The following MLIP variants were observed in gnomAD, a reference collection of about 807,000 sequenced individuals.
MLIP encodes muscular LMNA-interacting protein.
MLIP carries 79 observed loss-of-function variants against 84.8 expected under a neutral mutation model. That is an observed-to-expected ratio of 0.93 (90% CI 0.78 to 1.12). The LOEUF is 1.12. MLIP is among the 50% of genes most tolerant of loss of function. The pLI is 0.00. For synonymous variants in MLIP, 504 were observed against 463.0 expected, an observed-to-expected ratio of 1.09 and a Z score of -1.14; for missense variants, 1,257 against 1,160.6, an observed-to-expected ratio of 1.08 and a Z score of -1.21.
At chr6:54,264,901 T>A (rs1187231463) in intron 13 of MLIP, among the ~76,000 whole-genome samples, 2 of 152,064 alleles carry the variant, frequency 1.3e-5, no homozygotes, top group Non-Finnish European at 2.9e-5. Context: ...CTTCTTCTAG[T>A]CTAAAATATA....
intron 13 of MLIP, 110 bp from the exon 14 acceptor site, chr6:54,265,840 A>G (rs1182718957): frequency 1.7e-5 from 17 of 987,198 alleles, no homozygotes; most frequent in Non-Finnish European, 2.5e-5. Flanking sequence ...TGTAGTATAA[A>G]CCATTTTTTT....
chr6:54,029,241 G>A (rs971702747), intron 1 of MLIP: 12 of 152,174 alleles, frequency 7.9e-5, no homozygotes, highest in Non-Finnish European at 5.9e-5. Context: ...CCAACATTCA[G>A]ATGTTGGAAT....
At chr6:54,229,040 T>C (rs1279008520) in intron 11 of MLIP, among the ~76,000 whole-genome samples, 2 of 152,252 alleles carry the variant, frequency 1.3e-5, no homozygotes, top group African/African-American at 4.8e-5. Context: ...TTCATTTCAT[T>C]TTCATTCAAT....
At chr6:54,265,055 C>T (rs1783607308) in intron 13 of MLIP, among the ~76,000 whole-genome samples, 1 of 152,088 alleles carries the variant, frequency 6.6e-6, no homozygotes, top group African/African-American at 2.4e-5. Context: ...AAAGCACAGA[C>T]AGTTGCCTAC....
intron 4 of MLIP, among the ~76,000 whole-genome samples, chr6:54,143,347 A>G (rs765378867): frequency 2.0e-4 from 31 of 151,502 alleles, no homozygotes; most frequent in Non-Finnish European, 3.8e-4. Context: ...CTGGGATTAC[A>G]GTCACCTGCC....
At chr6:54,057,611 G>T (rs1765735667) in intron 1 of MLIP, among the ~76,000 whole-genome samples, 1 of 152,156 alleles carries the variant, frequency 6.6e-6, no homozygotes, top group Admixed American at 6.6e-5. Flanking sequence ...CAACATCCAT[G>T]ACAAATACTA....
intron 10 of MLIP, among the ~76,000 whole-genome samples, chr6:54,190,805 T>TC (rs1293930153): frequency 6.6e-6 from 1 of 151,156 alleles, no homozygotes; most frequent in East Asian, 1.9e-4. Flanking sequence ...TCTTTTTTTT[T>TC]TTTTTTTTGA....
At chr6:54,191,474 G>T (rs888218243) in intron 10 of MLIP, among the ~76,000 whole-genome samples, 2 of 151,978 alleles carry the variant, frequency 1.3e-5, no homozygotes, top group African/African-American at 4.8e-5. Flanking sequence ...GTGTGTGTGT[G>T]GGGGGGCAAT....
chr6:54,160,383 C>T lies in MLIP; in HGVS notation c.2306C>T (p.Ala769Val). 2 of 1,612,118 alleles carry T rather than the reference C, an allele frequency of 1.2e-6. No individual in the cohort carries two copies. Among genetic ancestry groups the T allele is most frequent in the Non-Finnish European group, 1.7e-6 (2 of 1,178,906 alleles). The change falls in exon 6 of 14, where the codon GCC becomes GTC. Residue 769 changes from alanine (A) to valine (V), a missense_variant. Physicochemically the swap from Ala to Val is moderately conservative, Grantham distance 64. Transcript: ENST00000502396. Reference sequence around the variant, plus strand: ...TGTCACTAGGCACTAGATGAACCAGCCAAGACTGAAAGTGTCTCCAAGGAC... The same window carrying T: ...TGTCACTAGGCACTAGATGAACCAGTCAAGACTGAAAGTGTCTCCAAGGAC... ...LLEQKALDEP[A>V]KTESVSKDNT...
At chr6:54,134,676 T>C (rs2150476328) in intron 3 of MLIP, among the ~76,000 whole-genome samples, 1 of 152,188 alleles carries the variant, frequency 6.6e-6, no homozygotes, top group South Asian at 2.1e-4. Context: ...GTTAGTCTTT[T>C]CCTCTGAATG....
At chr6:54,031,692 G>A (rs1764149265) in intron 1 of MLIP, 1 of 152,220 alleles carries the variant, frequency 6.6e-6, no homozygotes, top group African/African-American at 2.4e-5. Context: ...TTTTCAGGAA[G>A]GGACTTGTCC....
intron 2 of MLIP, among the ~76,000 whole-genome samples, chr6:54,122,737 T>A (rs78507149): frequency 6.6e-6 from 1 of 152,292 alleles, no homozygotes; most frequent in East Asian, 1.9e-4. Context: ...AGATCCTTTG[T>A]AATTAGGCCT....
At chr6:54,234,832 A>G (rs1414385703) in intron 12 of MLIP, among the ~76,000 whole-genome samples, 1 of 152,102 alleles carries the variant, frequency 6.6e-6, no homozygotes, top group African/African-American at 2.4e-5. Flanking sequence ...CTTTGTGGAC[A>G]CTTCTTGCTC....
intron 8 of MLIP, among the ~76,000 whole-genome samples, chr6:54,168,685 C>A (rs1775443752): frequency 6.6e-6 from 1 of 151,352 alleles, no homozygotes; most frequent in African/African-American, 2.4e-5. Flanking sequence ...GAAAGTGGGC[C>A]TACAAAAGAA....
chr6:54,022,258 C>T (rs536062089), intron 1 of MLIP, among the ~76,000 whole-genome samples: 2 of 152,178 alleles, frequency 1.3e-5, no homozygotes, highest in Non-Finnish European at 2.9e-5. Flanking sequence ...TTGTAATATA[C>T]TAAAGACTGT....
chr6:54,190,183 G>T (rs1777777823), intron 10 of MLIP, among the ~76,000 whole-genome samples: 1 of 152,184 alleles, frequency 6.6e-6, no homozygotes, highest in Admixed American at 6.5e-5. Context: ...GATGAAAGAT[G>T]CCATTAGAAT....
At chr6:54,041,099 C>T (rs537484135) in intron 1 of MLIP, 106 of 152,104 alleles carry the variant, frequency 7.0e-4, no homozygotes, top group African/African-American at 2.5e-3. Context: ...AAAAATCTGT[C>T]ATGGAGACAA....
At chr6:54,140,448 A>G (rs1772195076) in intron 4 of MLIP, among the ~76,000 whole-genome samples, 1 of 152,232 alleles carries the variant, frequency 6.6e-6, no homozygotes, top group South Asian at 2.1e-4. Context: ...AAAGAAATGC[A>G]AAGTAAATTT....
intron 1 of MLIP, among the ~76,000 whole-genome samples, chr6:54,020,837 G>A (rs1224384641): frequency 1.3e-5 from 2 of 152,140 alleles, no homozygotes; most frequent in African/African-American, 4.8e-5. Context: ...GCACATCAGA[G>A]GCATACGAAC....
Sources: allele counts gnomAD v4.1 joint callset (sites outside exome capture counted in the v4.1 genomes callset), GRCh38; gene constraint gnomAD v4.1.1; transcripts MANE v1.5; gene names NCBI Gene and HGNC (gene_info 2026-07-23, HGNC 2026-07-21).